The following NSMAF variants were observed in gnomAD, a reference collection of about 807,000 sequenced individuals.
The protein encoded by NSMAF is neutral sphingomyelinase activation associated factor.
A neutral mutation model predicts 134.9 loss-of-function variants in NSMAF; 90 were observed. The observed-to-expected ratio is 0.67, with a 90% confidence interval of 0.56 to 0.79. The LOEUF is 0.79. NSMAF is among the 30% of genes least tolerant of loss of function. The probability of loss-of-function intolerance (pLI) is 0.00; values close to 1 mark genes in which losing one functional copy is unlikely to be tolerated. For synonymous variants in NSMAF, 358 were observed against 389.6 expected, an observed-to-expected ratio of 0.92 and a Z score of 0.96; for missense variants, 1,010 against 1,119.0, an observed-to-expected ratio of 0.90 and a Z score of 1.39.
intron 12 of NSMAF, among the ~76,000 whole-genome samples, chr8:58,604,814 G>A (rs1806367537): frequency 6.6e-6 from 1 of 152,068 alleles, no homozygotes; most frequent in Admixed American, 6.5e-5. Context: ...TGTGATCACT[G>A]CCCACTGCAG....
At chr8:58,641,695 C>G (rs561176176) in intron 2 of NSMAF, among the ~76,000 whole-genome samples, 1 of 152,240 alleles carries the variant, frequency 6.6e-6, no homozygotes, top group East Asian at 1.9e-4. Context: ...ACAAGTAGTG[C>G]TATAATAACC....
At position 58,597,515 on chromosome 8, in the gene NSMAF, G is replaced by A. The variant is rs781490588; in HGVS notation, c.1664C>T (p.Thr555Met). The change falls in exon 21 of 31, where the codon ACG (threonine) becomes ATG (methionine). Residue 555 changes from threonine (T) to methionine (M), a missense_variant. Coordinates refer to ENST00000038176, the MANE Select transcript of NSMAF (RefSeq NM_003580.4). ...QDPDEKVAML[T>M]QILEFGQTPK... ...TGTCTGCCCAAATTCCAAGATTTGC[G>A]TAAGCATGGCTACCTTCTCATCAGG... The A allele has an allele frequency of 1.9e-5, 31 of 1,614,068 alleles. No individual in the cohort carries two copies. Among genetic ancestry groups the A allele is most frequent in the Middle Eastern group, 1.6e-4 (1 of 6,082 alleles).
chr8:58,631,232 A>G lies in NSMAF; in HGVS notation c.384+264T>C. On this transcript the variant is annotated intron_variant, in intron 6 of 30. Coordinates refer to ENST00000038176, the MANE Select transcript of NSMAF (RefSeq NM_003580.4). ...CACCCAGTAAATAATCTTATAAATA[A>G]TGCATATTCTGATTTTAATTTCTAA... is the stretch of plus-strand genomic sequence containing the variant. The G allele has an allele frequency of 7.1e-6, 2 of 283,242 alleles. 1 individual carries two copies. 17.5% of individuals were successfully genotyped at this position (283,242 alleles called of 1,614,324 possible).
Position 58,601,296 on chromosome 8 carries a change from T to G in NSMAF, c.1269A>C (p.Arg423Ser). ...CATTTGTATCAAACCTGTTGAACAT[T>G]CTATCTGCATTATCAAATCTTCCAT... ...LQNGRFDNAD[R>S]MFNSIAETWK... Residue 423 changes from arginine (R) to serine (S), a missense_variant, in exon 16 of 31, where the codon AGA becomes AGC. Arg to Ser is a moderately radical substitution (Grantham distance 110, BLOSUM62 -1). Transcript: ENST00000038176. The G allele has an allele frequency of 3.1e-6, 5 of 1,613,692 alleles. No individual in the cohort carries two copies. The highest frequency in any genetic ancestry group is 3.4e-6 in the Non-Finnish European group (4 of 1,179,646).
chr8:58,586,586 G>C lies in NSMAF; in HGVS notation c.2318C>G (p.Ala773Gly), dbSNP rs774597540. 6 of 1,613,506 alleles carry C rather than the reference G, an allele frequency of 3.7e-6. No homozygotes were observed. The highest frequency in any genetic ancestry group is 5.1e-6 in the Non-Finnish European group (6 of 1,179,764). ...GCCGGAAACTAACAGTGTGCTTGCAGCATTTAAACTGATTGTATCTACCTA... is the reference window on the plus strand; with the variant it reads ...GCCGGAAACTAACAGTGTGCTTGCACCATTTAAACTGATTGTATCTACCTA... The part of the protein sequence containing the change: ...DVSVDTISLN[A>G]ASTLLVSGTK... Residue 773 changes from alanine to glycine, a missense_variant, in exon 28 of 31, where the codon GCT becomes GGT. Coordinates refer to ENST00000038176, the MANE Select transcript of NSMAF (RefSeq NM_003580.4).
intron 11 of NSMAF, among the ~76,000 whole-genome samples, chr8:58,606,569 C>A (rs1324317352): frequency 2.0e-5 from 3 of 152,090 alleles, no homozygotes; most frequent in Non-Finnish European, 4.4e-5. Flanking sequence ...GCGCACCATG[C>A]CCAGCTAATA....
Position 58,607,775 on chromosome 8 carries a change from C to T in NSMAF, c.753G>A (p.Met251Ile). The stretch of plus-strand genomic sequence containing the variant: ...CAGCCTCCCAAGGACTCACCAGAGG[C>T]ATGAGGCCGTGCCTCCTTTTGTAGA... ...RRIYKRRHGLMPLGLEVFCTE... is the reference protein window; with the variant it reads ...RRIYKRRHGLIPLGLEVFCTE... Residue 251 changes from methionine to isoleucine, a missense_variant, in exon 11 of 31, where the codon ATG (methionine) becomes ATA (isoleucine). Physicochemically the swap from Met to Ile is conservative, Grantham distance 10. Coordinates refer to ENST00000038176, the MANE Select transcript of NSMAF (RefSeq NM_003580.4). 1 of 1,613,686 alleles carries T rather than the reference C, an allele frequency of 6.2e-7. No homozygotes were observed. The highest frequency in any genetic ancestry group is 8.5e-7 in the Non-Finnish European group (1 of 1,179,568).
intron 10 of NSMAF, among the ~76,000 whole-genome samples, chr8:58,608,553 G>A (rs1806458236): frequency 6.6e-6 from 1 of 152,116 alleles, no homozygotes; most frequent in South Asian, 2.1e-4. Flanking sequence ...GAAATGACTG[G>A]TCAAGGATCC....
At chr8:58,659,477 C>A in intron 1 of NSMAF, 96 bp downstream of exon 1, 2 of 1,494,252 alleles carry the variant, frequency 1.3e-6, no homozygotes, top group Non-Finnish European at 8.9e-7. Context: ...TGCCCGGCCC[C>A]CACGCCGCCT....
At position 58,659,402 on chromosome 8, in the gene NSMAF, C is replaced by T. The variant is rs1354715852; in HGVS notation, c.59+171G>A. 7.3e-6 allele frequency: 11 copies of T among 1,515,048 alleles called. No homozygotes were observed. In the African/African-American group the frequency reaches 1.4e-4, roughly 20 times the overall value. 93.9% of individuals were successfully genotyped at this position (1,515,048 alleles called of 1,614,324 possible). A position where few individuals can be genotyped will look rare whatever the true frequency, so the allele number is the denominator to read the frequency against. On this transcript the variant is annotated intron_variant, in intron 1 of 30. Coordinates refer to ENST00000038176, the MANE Select transcript of NSMAF (RefSeq NM_003580.4). ...AGACCAGGCCCCCGGCCTCTCACCCCGACCTCAGGTTTCCGCCACAGCCCC... is the reference window on the plus strand; with the variant it reads ...AGACCAGGCCCCCGGCCTCTCACCCTGACCTCAGGTTTCCGCCACAGCCCC...
At chr8:58,591,894 G>A (rs1585726373) in intron 23 of NSMAF, among the ~76,000 whole-genome samples, 3 of 152,202 alleles carry the variant, frequency 2.0e-5, no homozygotes, top group South Asian at 2.1e-4. Context: ...CTTACACAAC[G>A]TGATGTCGGA....
At chr8:58,635,415 A>C (rs1427229992) in intron 3 of NSMAF, 43 bp from the exon 4 acceptor site, 1 of 1,571,726 alleles carries the variant, frequency 6.4e-7, no homozygotes, top group Admixed American at 1.8e-5. Flanking sequence ...CAAGAAAGGT[A>C]AGACATACAC....
At position 58,601,441 on chromosome 8, in the gene NSMAF, T is replaced by C. The variant is rs1187831380; in HGVS notation, c.1216+4A>G. On this transcript the variant is annotated splice_donor_region_variant and intron_variant, in intron 15 of 30. Coordinates refer to ENST00000038176, the MANE Select transcript of NSMAF (RefSeq NM_003580.4). ...TAATTGGGGGTAATGATAAAGAATC[T>C]TACCAATCCTAACAAGATAAAAAAG... The C allele has an allele frequency of 6.2e-7, 1 of 1,613,212 alleles. No homozygotes were observed. Among genetic ancestry groups the C allele is most frequent in the Admixed American group, 1.7e-5 (1 of 59,956 alleles).
At chr8:58,610,640 G>A (rs76143792) in intron 9 of NSMAF, among the ~76,000 whole-genome samples, 1 of 152,168 alleles carries the variant, frequency 6.6e-6, no homozygotes, top group Non-Finnish European at 1.5e-5. Context: ...GGCAGGAGGA[G>A]GAGCAACCTA....
At position 58,595,557 on chromosome 8, in the gene NSMAF, T is replaced by C. The variant is rs548656279; in HGVS notation, c.1892+3A>G. ...TGCTGAGAAGAAGCAGAGATATTCT[T>C]ACTCTTTGTGGATTTTATAGTGCTC... On this transcript the variant is annotated splice_donor_region_variant and intron_variant, in intron 22 of 30. Transcript: ENST00000038176. 1.2e-6 allele frequency: 2 copies of C among 1,600,194 alleles called. No homozygotes were observed. The highest frequency in any genetic ancestry group is 2.7e-5 in the African/African-American group (2 of 74,744).
intron 1 of NSMAF, among the ~76,000 whole-genome samples, chr8:58,647,823 A>G (rs1419848390): frequency 6.6e-6 from 1 of 152,214 alleles, no homozygotes; most frequent in African/African-American, 2.4e-5. Context: ...ACGCAGCCTC[A>G]GGAATTTCTT....
chr8:58,651,536 T>A (rs1231717584), intron 1 of NSMAF, among the ~76,000 whole-genome samples: 3 of 152,114 alleles, frequency 2.0e-5, no homozygotes, highest in Non-Finnish European at 4.4e-5. Flanking sequence ...ATAAAGCCAG[T>A]CAATTCTATT....
chr8:58,648,024 T>C (rs1480200156), intron 1 of NSMAF, among the ~76,000 whole-genome samples: 7 of 152,182 alleles, frequency 4.6e-5, no homozygotes, highest in Admixed American at 4.6e-4. Context: ...ACTGGTTAAA[T>C]GGTTGTGACC....
rs755751343 is a variant in NSMAF at position 58,609,654 on chromosome 8, C to A, written c.637G>T (p.Val213Leu). The A allele has an allele frequency of 3.1e-6, 5 of 1,614,152 alleles. No individual in the cohort carries two copies. Among genetic ancestry groups the A allele is most frequent in the Non-Finnish European group, 2.5e-6 (3 of 1,179,980 alleles). The change falls in exon 10 of 31, where the codon GTG (valine) becomes TTG (leucine). Residue 213 changes from valine to leucine, a missense_variant. Physicochemically the swap from Val to Leu is conservative, Grantham distance 32. Transcript: ENST00000038176. ...TACAGGTTTGTGTCCGTGATGCACACGTGTCCAGGATTAGTCACCAGAGGC... is the reference window on the plus strand; with the variant it reads ...TACAGGTTTGTGTCCGTGATGCACAAGTGTCCAGGATTAGTCACCAGAGGC... ...VTPLVTNPGH[V>L]CITDTNLYFQ...
Sources: allele counts gnomAD v4.1 joint callset (sites outside exome capture counted in the v4.1 genomes callset), GRCh38; gene constraint gnomAD v4.1.1; transcripts MANE v1.5; gene names NCBI Gene and HGNC (gene_info 2026-07-23, HGNC 2026-07-21).